Variants in RNF150 observed in about 807,000 individuals in gnomAD.
RNF150 encodes ring finger protein 150.
A neutral mutation model predicts 39.3 loss-of-function variants in RNF150; 24 were observed. The observed-to-expected ratio is 0.61, with a 90% CI of 0.44 to 0.86. RNF150 has a LOEUF of 0.86. Among genes scored for constraint, RNF150 ranks in the 40% least tolerant of loss-of-function variants. The probability of loss-of-function intolerance (pLI) is 0.00; values close to 1 mark genes in which losing one functional copy is unlikely to be tolerated. For synonymous variants in RNF150, 255 were observed against 227.3 expected (o/e 1.12, Z -1.10); for missense variants, 502 against 587.8 (o/e 0.85, Z 1.51).
rs759114762 is a variant in RNF150 at position 141,132,812 on chromosome 4, T to A, written c.-4A>T. ...CTTGGATGAGAGACATTGCCATCTT[T>A]ATCCGCCGGGGCCCCCTCCCCGCCC... On this transcript the variant is annotated 5_prime_UTR_variant, in exon 1 of 7. Coordinates refer to ENST00000515673, the MANE Select transcript of RNF150 (RefSeq NM_020724.2). This position sits in a 1 kb window ranked among gnomAD's most constrained non-coding sequence, Gnocchi z 4.9. 1.2e-6 allele frequency: 2 copies of A among 1,603,658 alleles called. No homozygotes were observed. Among genetic ancestry groups the A allele is most frequent in the Non-Finnish European group, 1.7e-6 (2 of 1,174,542 alleles).
intron 4 of RNF150, among the ~76,000 whole-genome samples, chr4:140,930,292 G>T (rs2111332010): frequency 6.6e-6 from 1 of 152,338 alleles, no homozygotes; most frequent in Admixed American, 6.5e-5. Context: ...CTTCAGGCTT[G>T]CCAGATCTTA....
At chr4:141,114,668 C>T (rs561724425) in intron 1 of RNF150, among the ~76,000 whole-genome samples, 95 of 152,200 alleles carry the variant, frequency 6.2e-4, no homozygotes, top group African/African-American at 2.2e-3. Flanking sequence ...ATCCTGATAT[C>T]GAAACCTGGC....
chr4:140,926,112 G>T, intron 4 of RNF150, 39 bp from the exon 5 acceptor site: 1 of 1,435,938 alleles, frequency 7.0e-7, no homozygotes, highest in Non-Finnish European at 9.8e-7. Context: ...GGCGGTAACT[G>T]CAGAGAATAC....
At chr4:141,186,032 G>A (rs1728001708) in intron 1 of RNF150, among the ~76,000 whole-genome samples, 2 of 152,184 alleles carry the variant, frequency 1.3e-5, no homozygotes, top group African/African-American at 2.4e-5. Flanking sequence ...ATATCAGGAT[G>A]ATGCTGGCCT....
intron 2 of RNF150, among the ~76,000 whole-genome samples, chr4:140,958,080 A>G (rs1732851528): frequency 1.3e-5 from 2 of 152,164 alleles, no homozygotes; most frequent in East Asian, 1.9e-4. Context: ...TAAATAAAAA[A>G]CACAGCATAA....
At position 141,132,683 on chromosome 4, in the gene RNF150, G is replaced by T. The variant is rs375733760; in HGVS notation, c.126C>A (p.Ala42=). 162 of 1,608,560 alleles carry T rather than the reference G, an allele frequency of 1.0e-4. No individual in the cohort carries two copies. Among genetic ancestry groups the T allele is most frequent in the Non-Finnish European group, 1.4e-4 (161 of 1,177,984 alleles). ...TVAEKEEWYT[A]FVNITYAEPA... is the part of the protein sequence containing the mutation. ...GCTCGGCGTAGGTGATGTTCACGAA[G>T]GCGGTGTACCATTCCTCCTTCTCGG... is the stretch of plus-strand genomic sequence containing the variant. The change falls in exon 1 of 7, where the codon GCC becomes GCA. Residue 42 remains alanine (A), a synonymous_variant. Coordinates refer to ENST00000515673, the MANE Select transcript of RNF150 (RefSeq NM_020724.2). The surrounding 1 kb of genome is among the most constrained non-coding windows in gnomAD (Gnocchi z 4.9).
At chr4:141,162,721 T>C (rs1250324335) in intron 1 of RNF150, among the ~76,000 whole-genome samples, 3 of 152,100 alleles carry the variant, frequency 2.0e-5, no homozygotes, top group Non-Finnish European at 4.4e-5. Context: ...CTCCATTTCC[T>C]AGCCAAGGAA....
chr4:141,135,348 A>T (rs971619560), upstream of RNF150, among the ~76,000 whole-genome samples: 1 of 152,248 alleles, frequency 6.6e-6, no homozygotes, highest in Non-Finnish European at 1.5e-5. Flanking sequence ...CTCCACGAAA[A>T]GCAAGCTGGC....
At chr4:141,092,196 T>C (rs990546769) in intron 1 of RNF150, among the ~76,000 whole-genome samples, 2 of 151,796 alleles carry the variant, frequency 1.3e-5, no homozygotes, top group African/African-American at 4.8e-5. Flanking sequence ...ATACAAAAAT[T>C]AGCTGGGCAT....
intron 1 of RNF150, among the ~76,000 whole-genome samples, chr4:141,171,492 GAA>G (rs1396113134): frequency 2.1e-5 from 3 of 144,368 alleles, no homozygotes; most frequent in African/African-American, 7.6e-5. Context: ...GAGAGAGAGA[GAA>G]AGTGGGGATT....
In RNF150 at chr4:140,892,428, C is replaced by G. The variant is rs573551343; in HGVS notation, c.1198+18716G>C. Among the ~76,000 whole-genome samples, 39 of 152,380 alleles carry G rather than the reference C, an allele frequency of 2.6e-4. No homozygotes were observed. In the South Asian group the frequency reaches 7.2e-3, roughly 28 times the overall value. On this transcript the variant is annotated intron_variant, in intron 6 of 6. Transcript: ENST00000515673. ...CAACAAGGGAGGGGAAGGACCTATA[C>G]TTCACCAGCCTGTGCTGGCTGCTTT... is the stretch of plus-strand genomic sequence containing the variant.
At chr4:140,918,713 C>A (rs1160184038) in intron 5 of RNF150, among the ~76,000 whole-genome samples, 1 of 118,180 alleles carries the variant, frequency 8.5e-6, no homozygotes, top group African/African-American at 3.0e-5. Context: ...GATACCAAAG[C>A]CTGGCAGACA....
chr4:141,209,794 C>G (rs1310248969), intron 1 of RNF150, among the ~76,000 whole-genome samples: 1 of 151,998 alleles, frequency 6.6e-6, no homozygotes, highest in Admixed American at 6.5e-5. Context: ...TTTCTTGAGG[C>G]CAGGAGTTTG....
At chr4:140,895,417 A>G (rs904058342) in intron 6 of RNF150, among the ~76,000 whole-genome samples, 24 of 152,214 alleles carry the variant, frequency 1.6e-4, no homozygotes, top group African/African-American at 5.8e-4. Context: ...GGAAGCAAAA[A>G]ACATATGTCT....
intron 2 of RNF150, among the ~76,000 whole-genome samples, chr4:140,958,916 A>T (rs1732897626): frequency 6.6e-6 from 1 of 152,122 alleles, no homozygotes; most frequent in Admixed American, 6.5e-5. Flanking sequence ...TCTTTCTTTG[A>T]CAAGTGGGTT....
At chr4:140,887,189 T>G (rs1729607549) in intron 6 of RNF150, among the ~76,000 whole-genome samples, 1 of 152,190 alleles carries the variant, frequency 6.6e-6, no homozygotes, top group African/African-American at 2.4e-5. Context: ...CTTACATGTA[T>G]GATATGATGT....
intron 1 of RNF150, among the ~76,000 whole-genome samples, chr4:141,160,773 G>C (rs1727496915): frequency 6.6e-6 from 1 of 152,172 alleles, no homozygotes; most frequent in African/African-American, 2.4e-5. Context: ...CATATCTGTT[G>C]CCATTTCACC....
intron 5 of RNF150, among the ~76,000 whole-genome samples, chr4:140,922,811 T>C (rs1261333163): frequency 1.3e-5 from 2 of 151,304 alleles, no homozygotes; most frequent in Non-Finnish European, 2.9e-5. Flanking sequence ...TCAGAAATAA[T>C]GCCGCATATC....
chr4:141,138,399 C>G (rs1727061611), upstream of RNF150, among the ~76,000 whole-genome samples: 1 of 152,032 alleles, frequency 6.6e-6, no homozygotes, highest in African/African-American at 2.4e-5. Context: ...ATAACTGTCC[C>G]CATCCCTGAA....
Sources: allele counts gnomAD v4.1 joint callset (sites outside exome capture counted in the v4.1 genomes callset), GRCh38; gene constraint gnomAD v4.1.1; non-coding constraint Gnocchi (gnomAD v3.1); transcripts MANE v1.5; gene names NCBI Gene and HGNC (gene_info 2026-07-23, HGNC 2026-07-21).